Variants in DCDC1 observed in about 807,000 individuals in gnomAD.
The protein encoded by DCDC1 is doublecortin domain containing 1.
A neutral mutation model predicts 178.3 loss-of-function variants in DCDC1; 200 were observed. The ratio of observed to expected loss-of-function variants is 1.12; its 90% CI spans 1.00 to 1.26. The LOEUF is 1.26. DCDC1 is among the 50% of genes most tolerant of loss of function. DCDC1 has a pLI of 0.00. For missense variants in DCDC1, 1,983 were observed against 1,749.2 expected, an observed-to-expected ratio of 1.13 and a Z score of -2.38; for synonymous variants, 690 against 604.8, an observed-to-expected ratio of 1.14 and a Z score of -2.07.
chr11:31,181,581 G>A (rs1968803458), intron 9 of DCDC1, among the ~76,000 whole-genome samples: 3 of 152,216 alleles, frequency 2.0e-5, no homozygotes, highest in South Asian at 4.1e-4. Context: ...AACAGGGTCT[G>A]GAGTGGACCT....
intron 6 of DCDC1, among the ~76,000 whole-genome samples, chr11:31,300,490 T>A (rs567592127): frequency 6.6e-6 from 1 of 152,262 alleles, no homozygotes; most frequent in African/African-American, 2.4e-5. Context: ...TTACTTCATC[T>A]ATATTACAGA....
chr11:31,178,797 A>G (rs987259048), intron 9 of DCDC1, among the ~76,000 whole-genome samples: 2 of 152,086 alleles, frequency 1.3e-5, no homozygotes, highest in African/African-American at 2.4e-5. Context: ...GGTTCAAGCA[A>G]TTCTCCTGCC....
chr11:31,112,061 A>T (rs758178151), intron 11 of DCDC1, among the ~76,000 whole-genome samples: 33 of 149,780 alleles, frequency 2.2e-4, no homozygotes, highest in African/African-American at 7.6e-4. Context: ...ACAAGGGCAT[A>T]AAAAAAAGAG....
intron 17 of DCDC1, among the ~76,000 whole-genome samples, chr11:31,087,115 G>C (rs1297324225): frequency 1.3e-5 from 2 of 152,024 alleles, no homozygotes; most frequent in Non-Finnish European, 2.9e-5. Context: ...GGTGATTTGT[G>C]TCTTTTAAGG....
chr11:31,342,153 C>T (rs36079832), intron 1 of DCDC1, among the ~76,000 whole-genome samples: 9 of 152,264 alleles, frequency 5.9e-5, no homozygotes, highest in Admixed American at 4.6e-4. Context: ...CAGTTAACAC[C>T]TAAGGTTCAC....
intron 8 of DCDC1, among the ~76,000 whole-genome samples, chr11:31,249,317 A>G (rs1361966524): frequency 1.3e-5 from 2 of 152,206 alleles, no homozygotes; most frequent in African/African-American, 2.4e-5. Flanking sequence ...GCCTTCACAT[A>G]TTTAATAAAA....
intron 6 of DCDC1, among the ~76,000 whole-genome samples, chr11:31,291,696 C>A (rs566647565): frequency 6.6e-6 from 1 of 152,116 alleles, no homozygotes; most frequent in South Asian, 2.1e-4. Flanking sequence ...TTTCTTCTTA[C>A]ATAAATTACA....
At chr11:30,875,587 C>T (rs1007248414) in intron 38 of DCDC1, among the ~76,000 whole-genome samples, 2 of 151,992 alleles carry the variant, frequency 1.3e-5, no homozygotes, top group Admixed American at 1.3e-4. Flanking sequence ...ACAAATCTCT[C>T]AATGGCACTC....
chr11:30,935,283 C>A (rs957771217), intron 21 of DCDC1, among the ~76,000 whole-genome samples: 2 of 152,140 alleles, frequency 1.3e-5, no homozygotes, highest in Admixed American at 6.6e-5. Flanking sequence ...GGGTAACACC[C>A]TACTGTACCT....
intron 20 of DCDC1, among the ~76,000 whole-genome samples, chr11:31,038,257 A>G (rs574163346): frequency 1.3e-5 from 2 of 152,106 alleles, no homozygotes; most frequent in South Asian, 4.1e-4. Flanking sequence ...ACTTGAAAAA[A>G]ATGAATTTAA....
At chr11:31,039,875 G>A (rs955986712) in intron 20 of DCDC1, among the ~76,000 whole-genome samples, 4 of 152,162 alleles carry the variant, frequency 2.6e-5, no homozygotes, top group South Asian at 2.1e-4. Context: ...AATAAAAGGC[G>A]ATTTAGTTCT....
intron 20 of DCDC1, among the ~76,000 whole-genome samples, chr11:30,962,887 G>C (rs1023159873): frequency 3.3e-5 from 5 of 152,010 alleles, no homozygotes; most frequent in African/African-American, 1.2e-4. Flanking sequence ...TAAAAGCAAA[G>C]CTCTCTTTGC....
chr11:30,926,150 A>G (rs908437781), intron 22 of DCDC1, among the ~76,000 whole-genome samples: 3 of 152,160 alleles, frequency 2.0e-5, no homozygotes, highest in African/African-American at 7.2e-5. Flanking sequence ...GTGCTGTGAG[A>G]ACAGAGGGGA....
chr11:31,155,147 G>C (rs1338678967), intron 9 of DCDC1, among the ~76,000 whole-genome samples: 2 of 152,144 alleles, frequency 1.3e-5, no homozygotes, highest in African/African-American at 4.8e-5. Context: ...ACAATGGTTT[G>C]AATCTGGATA....
intron 20 of DCDC1, among the ~76,000 whole-genome samples, chr11:30,991,422 T>C (rs1213168585): frequency 1.3e-5 from 2 of 152,198 alleles, no homozygotes; most frequent in African/African-American, 2.4e-5. Flanking sequence ...TGATTCTAAT[T>C]GCCTAATTCT....
At chr11:31,217,993 G>T (rs1157693214) in intron 9 of DCDC1, among the ~76,000 whole-genome samples, 1 of 151,858 alleles carries the variant, frequency 6.6e-6, no homozygotes, top group Non-Finnish European at 1.5e-5. Context: ...ATATTTCAAA[G>T]AAATATCAGC....
In DCDC1 at chr11:30,971,116, A is replaced by G. The variant is rs563310994; in HGVS notation, c.2592-18548T>C. Among the ~76,000 whole-genome samples the G allele has an allele frequency of 2.6e-5, 4 of 152,300 alleles. No individual in the cohort carries two copies. In the East Asian group the frequency reaches 7.7e-4, roughly 29 times the overall value. ...ATCCACTGAGGAAATCACAGACATTACTGACCCAACCAACACCGTAAATAC... is the reference window on the plus strand; with the variant it reads ...ATCCACTGAGGAAATCACAGACATTGCTGACCCAACCAACACCGTAAATAC... On this transcript the variant is annotated intron_variant, in intron 20 of 38. Transcript: ENST00000684477.
intron 8 of DCDC1, among the ~76,000 whole-genome samples, chr11:31,263,494 G>A (rs11031335): frequency 0.26 from 39,970 of 151,988 alleles, 5,407 homozygotes; most frequent in African/African-American, 0.32. Flanking sequence ...GGTATCTACA[G>A]GAGATTTGAA....
chr11:30,888,632 G>A (rs972654216), intron 36 of DCDC1, among the ~76,000 whole-genome samples: 2 of 152,012 alleles, frequency 1.3e-5, no homozygotes, highest in African/African-American at 4.8e-5. Flanking sequence ...CAGGAGAATC[G>A]CTTGAACCCA....
Sources: allele counts gnomAD v4.1 joint callset (sites outside exome capture counted in the v4.1 genomes callset), GRCh38; gene constraint gnomAD v4.1.1; transcripts MANE v1.5; gene names NCBI Gene and HGNC (gene_info 2026-07-23, HGNC 2026-07-21).